Variants in INSR observed in about 807,000 individuals in gnomAD.
INSR encodes the protein IR.
Under a neutral mutation model 142.6 loss-of-function variants are expected in INSR, and 67 were observed. The ratio of observed to expected loss-of-function variants is 0.47; its 90% CI spans 0.39 to 0.58. The LOEUF (loss-of-function observed/expected upper bound fraction) is 0.58, where lower values mean the gene tolerates loss of function less well. Among genes scored for constraint, INSR ranks in the 20% least tolerant of loss-of-function variants. INSR has a pLI of 0.00. For synonymous variants in INSR, 756 were observed against 743.1 expected (o/e 1.02, Z -0.28); for missense variants, 1,248 against 1,833.2 (o/e 0.68, Z 5.83).
chr19:7,155,649 T>C (rs1599920649), intron 9 of INSR, among the ~76,000 whole-genome samples: 1 of 150,174 alleles, frequency 6.7e-6, no homozygotes, highest in African/African-American at 2.5e-5. Context: ...ACAGTGGCTC[T>C]TGCCTGTAAT....
intron 13 of INSR, among the ~76,000 whole-genome samples, chr19:7,137,798 C>CAAAAAAAAAAAAAAAAAAAAA (rs1176523364): frequency 4.8e-5 from 2 of 41,468 alleles, no homozygotes; most frequent in Non-Finnish European, 7.8e-5. Context: ...GACTCCATCT[C>CAAAAAAAAAAAAAAAAAAAAA]AAAAAAAAAA....
At chr19:7,228,188 T>C (rs999657179) in intron 2 of INSR, among the ~76,000 whole-genome samples, 1 of 152,190 alleles carries the variant, frequency 6.6e-6, no homozygotes, top group Non-Finnish European at 1.5e-5. Context: ...CAGCAGACTT[T>C]CCATGAAGAC....
intron 15 of INSR, among the ~76,000 whole-genome samples, chr19:7,127,847 G>A (rs1413997308): frequency 7.9e-5 from 12 of 151,566 alleles, no homozygotes; most frequent in Non-Finnish European, 1.2e-4. Context: ...GGGTTCAAGC[G>A]ATTCTCCTGC....
intron 2 of INSR, among the ~76,000 whole-genome samples, chr19:7,264,049 A>G (rs754704759): frequency 6.6e-6 from 1 of 152,062 alleles, no homozygotes; most frequent in Non-Finnish European, 1.5e-5. Flanking sequence ...CATGCCTGTA[A>G]TCCTAGCTAC....
chr19:7,270,023 CG>C (rs1967866770), intron 1 of INSR, among the ~76,000 whole-genome samples: 1 of 151,990 alleles, frequency 6.6e-6, no homozygotes, highest in Admixed American at 6.6e-5. Context: ...AGTGCAGTGC[CG>C]TGATCTTGGC....
Position 7,192,248 on chromosome 19 carries a change from GGAAGAAAAGAAAAGAAAA to G in INSR, c.653-7629_653-7612del, listed in dbSNP as rs1974620289. Among the ~76,000 whole-genome samples the G allele has an allele frequency of 2.0e-5, 2 of 98,908 alleles. No individual in the cohort carries two copies. Among genetic ancestry groups the G allele is most frequent in the African/African-American group, 7.8e-5 (2 of 25,522 alleles). 64.9% of individuals were successfully genotyped at this position (98,908 alleles called of 152,430 possible). A position where few individuals can be genotyped will look rare whatever the true frequency, so the allele number is the denominator to read the frequency against. Reference sequence around the variant, plus strand: ...AAAGAGAAAGAAGGAAGGGAGGGAGGGAAGAAAAGAAAAGAAAAGAAAAGAAAAGAAAAGAAAAGAAAA... The same window carrying G: ...AAAGAGAAAGAAGGAAGGGAGGGAGGGAAAAGAAAAGAAAAGAAAAGAAAA... On this transcript the variant is annotated intron_variant, in intron 2 of 21. Transcript: ENST00000302850. The surrounding 1 kb of genome is among the most constrained non-coding windows in gnomAD (Gnocchi z 4.2).
chr19:7,129,531 G>T (rs981421234), intron 14 of INSR, among the ~76,000 whole-genome samples: 6 of 151,854 alleles, frequency 4.0e-5, no homozygotes, highest in African/African-American at 1.5e-4. Context: ...CACCTTGCTG[G>T]CCAGGCTGGC....
intron 2 of INSR, among the ~76,000 whole-genome samples, chr19:7,260,306 C>T (rs1202427595): frequency 6.6e-6 from 1 of 152,076 alleles, no homozygotes; most frequent in African/African-American, 2.4e-5. Context: ...CCCCTGGCAC[C>T]CAGCATGTCC....
At chr19:7,146,232 A>T (rs1026636320) in intron 11 of INSR, among the ~76,000 whole-genome samples, 8 of 137,452 alleles carry the variant, frequency 5.8e-5, no homozygotes, top group Non-Finnish European at 1.1e-4. Flanking sequence ...ATCTTTGTCA[A>T]GTTCTTTTTT....
intron 8 of INSR, among the ~76,000 whole-genome samples, chr19:7,163,948 A>AAAAAAAAAATATATATATATATAT (rs1411048837): frequency 7.4e-6 from 1 of 136,032 alleles, no homozygotes; most frequent in African/African-American, 3.2e-5. Context: ...AAAAAAAAAA[A>AAAAAAAAAATATATATATATATAT]ATTAGCTGGA....
At chr19:7,212,274 A>G (rs1321247916) in intron 2 of INSR, among the ~76,000 whole-genome samples, 6 of 152,294 alleles carry the variant, frequency 3.9e-5, no homozygotes, top group African/African-American at 1.4e-4. Flanking sequence ...AAGTTGGTCC[A>G]TCTGTCTGTC....
chr19:7,154,284 C>CA (rs1397077138), intron 9 of INSR, among the ~76,000 whole-genome samples: 3 of 144,400 alleles, frequency 2.1e-5, no homozygotes, highest in African/African-American at 5.1e-5. Flanking sequence ...AAAGTAATGG[C>CA]AAAAAACCAC....
At chr19:7,137,691 G>A (rs1972966823) in intron 13 of INSR, among the ~76,000 whole-genome samples, 1 of 148,996 alleles carries the variant, frequency 6.7e-6, no homozygotes. Flanking sequence ...AGGAGGCTGA[G>A]GCAGGAGAAT....
chr19:7,251,509 C>T (rs1976727429), intron 2 of INSR, among the ~76,000 whole-genome samples: 1 of 151,994 alleles, frequency 6.6e-6, no homozygotes, highest in South Asian at 2.1e-4. Context: ...GATCCTCCCG[C>T]CTCAGCCTCC....
At chr19:7,229,773 T>G (rs1201810813) in intron 2 of INSR, among the ~76,000 whole-genome samples, 1 of 148,194 alleles carries the variant, frequency 6.7e-6, no homozygotes, top group African/African-American at 2.5e-5. Context: ...TTTTTTTTTT[T>G]TTTTTTTTTT....
intron 2 of INSR, among the ~76,000 whole-genome samples, chr19:7,205,864 GGGT>G (rs1975093422): frequency 6.6e-6 from 1 of 152,186 alleles, no homozygotes; most frequent in East Asian, 1.9e-4. Flanking sequence ...ACTCCAGCCT[GGGT>G]GACAGAGTGA....
chr19:7,219,637 AGAAAG>A (rs1269225894), intron 2 of INSR, among the ~76,000 whole-genome samples: 3 of 151,118 alleles, frequency 2.0e-5, no homozygotes, highest in East Asian at 3.9e-4. Flanking sequence ...GGAAAGGAAA[AGAAAG>A]GAAAGGAAGG....
At chr19:7,124,540 GGAAAAAAAAAAAAAAAAAAAAAAAAAAA>G (rs1972577896) in intron 17 of INSR, among the ~76,000 whole-genome samples, 4 of 10,812 alleles carry the variant, frequency 3.7e-4, no homozygotes, top group Middle Eastern at 0.062. Flanking sequence ...CTCCGTTTCA[GGAAAAAAAAAAAAAAAAAAAAAAAAAAA>G]AAAAAAAAAA....
chr19:7,262,259 T>C (rs1977086750), intron 2 of INSR, among the ~76,000 whole-genome samples: 2 of 151,968 alleles, frequency 1.3e-5, no homozygotes, highest in South Asian at 4.2e-4. Flanking sequence ...TTATCTGAGG[T>C]CAGGAGTTCA....
Sources: gnomAD v4.1 joint callset for allele counts (sites outside exome capture counted in the v4.1 genomes callset) on GRCh38, gnomAD v4.1.1 for gene constraint, Gnocchi (gnomAD v3.1) non-coding constraint, MANE v1.5 for transcripts, NCBI Gene and HGNC (gene_info 2026-07-23, HGNC 2026-07-21) for gene names.